Variants in HNRNPR observed in about 807,000 individuals in gnomAD.
The protein encoded by HNRNPR is heterogeneous nuclear ribonucleoprotein R.
HNRNPR carries 4 observed loss-of-function variants against 70.3 expected under a neutral mutation model. The ratio of observed to expected loss-of-function variants is 0.06; its 90% CI spans 0.03 to 0.13. HNRNPR has a LOEUF of 0.13. HNRNPR is among the 10% of genes least tolerant of loss of function. HNRNPR has a pLI of 1.00. For synonymous variants in HNRNPR, 241 were observed against 267.6 expected, an observed-to-expected ratio of 0.90 and a Z score of 0.97; for missense variants, 423 against 788.5, an observed-to-expected ratio of 0.54 and a Z score of 5.55.
chr1:23,342,151 A>G (rs1391873936), intron 1 of HNRNPR, among the ~76,000 whole-genome samples: 1 of 152,248 alleles, frequency 6.6e-6, no homozygotes, highest in Non-Finnish European at 1.5e-5. Flanking sequence ...TAAAGAAAAT[A>G]CAAGTCTCCT....
At chr1:23,313,469 T>C in intron 9 of HNRNPR, 84 bp downstream of exon 9, 1 of 896,380 alleles carries the variant, frequency 1.1e-6, no homozygotes, top group Non-Finnish European at 1.7e-6. Flanking sequence ...ACCAATATTG[T>C]TTCAGTTTTT....
chr1:23,332,643 T>C (rs1398669781), intron 5 of HNRNPR, among the ~76,000 whole-genome samples: 2 of 143,262 alleles, frequency 1.4e-5, no homozygotes, highest in Non-Finnish European at 3.0e-5. Context: ...GAGGTTGCAG[T>C]GAGCCGAGAT....
rs552887280 is a variant in HNRNPR at position 23,311,064 on chromosome 1, T to C, written c.1292A>G (p.Tyr431Cys). The C allele has an allele frequency of 3.1e-6, 5 of 1,613,568 alleles. No individual in the cohort carries two copies. Among genetic ancestry groups the C allele is most frequent in the African/African-American group, 2.7e-5 (2 of 74,996 alleles). The change falls in exon 11 of 11, where the codon TAT (tyrosine) becomes TGT (cysteine). Residue 431 changes from tyrosine to cysteine, a missense_variant and splice_region_variant. Around this residue, in one of 7 missense-constraint regions of HNRNPR, gnomAD observed 169 missense variants for 195.6 expected, o/e 0.86. Coordinates refer to ENST00000302271, the MANE Select transcript of HNRNPR (RefSeq NM_005826.5). ...AARQASRSTA[Y>C]EDYYYHPPPR... ...AGGAGGGTGGTAGTAATAATCTTCA[T>C]ACCTAGCAAAGTAGAGAAGGGAGAA...
At chr1:23,321,964 T>G (rs568636558) in intron 6 of HNRNPR, among the ~76,000 whole-genome samples, 1 of 152,264 alleles carries the variant, frequency 6.6e-6, no homozygotes, top group East Asian at 1.9e-4. Context: ...CACAGATTTT[T>G]CAGAAAAAAA....
rs1645192336 is a variant in HNRNPR at position 23,305,662 on chromosome 1, T to C, written c.*4792A>G. ...TATACCTTACCATCATGGAATCCCC[T>C]ACAAACTATAAGATGAGGGATTTTA... On this transcript the variant is annotated 3_prime_UTR_variant, in exon 11 of 11. Coordinates refer to ENST00000302271, the MANE Select transcript of HNRNPR (RefSeq NM_005826.5). 1 of 152,188 alleles carries C rather than the reference T, an allele frequency of 6.6e-6. No homozygotes were observed. Among genetic ancestry groups the C allele is most frequent in the Non-Finnish European group, 1.5e-5 (1 of 68,004 alleles). The allele number at this position is 152,188 out of a possible 1,614,324, so 9.4% of individuals were successfully genotyped here.
chr1:23,306,226 T>TCTG lies in HNRNPR; in HGVS notation c.*4225_*4227dup, dbSNP rs909861779. ...CATACTTGCAGGCCTTTCCTGCTGA[T>TCTG]CTGCTACCAATTTAAAAGTAAGTGA... On this transcript the variant is annotated 3_prime_UTR_variant, in exon 11 of 11. Coordinates refer to ENST00000302271, the MANE Select transcript of HNRNPR (RefSeq NM_005826.5). The TCTG allele has an allele frequency of 3.9e-5, 6 of 152,160 alleles. No homozygotes were observed. Among genetic ancestry groups the TCTG allele is most frequent in the Non-Finnish European group, 5.9e-5 (4 of 68,018 alleles). The allele number at this position is 152,160 out of a possible 1,614,324, so 9.4% of individuals were successfully genotyped here.
chr1:23,315,307 A>AC, intron 8 of HNRNPR, among the ~76,000 whole-genome samples: 1 of 135,446 alleles, frequency 7.4e-6, no homozygotes, highest in African/African-American at 3.7e-5. Context: ...AAAAAAAAAC[A>AC]AAAACCCAAA....
At chr1:23,336,110 C>A (rs1646468362) in intron 4 of HNRNPR, among the ~76,000 whole-genome samples, 1 of 17,356 alleles carries the variant, frequency 5.8e-5, no homozygotes, top group Non-Finnish European at 2.4e-4. Flanking sequence ...GAGCGAGACT[C>A]CGTCTCAAAA....
intron 8 of HNRNPR, among the ~76,000 whole-genome samples, chr1:23,314,398 C>CA (rs1321598733): frequency 1.3e-5 from 2 of 151,550 alleles, no homozygotes; most frequent in African/African-American, 4.8e-5. Context: ...TTCTATATGG[C>CA]AAAAAAATAC....
Position 23,318,808 on chromosome 1 carries a change from C to T in HNRNPR, c.812-120G>A. 1.2e-6 allele frequency: 1 copy of T among 817,384 alleles called. No homozygotes were observed. Among genetic ancestry groups the T allele is most frequent in the South Asian group, 1.7e-5 (1 of 57,704 alleles). The allele number at this position is 817,384 out of a possible 1,614,324, so 50.6% of individuals were successfully genotyped here. On this transcript the variant is annotated intron_variant, in intron 7 of 10. Coordinates refer to ENST00000302271, the MANE Select transcript of HNRNPR (RefSeq NM_005826.5). This position sits in a 1 kb window ranked among gnomAD's most constrained non-coding sequence, Gnocchi z 4.2. ...TAAGTGAAGCAGCCTCAACATGAGT[C>T]ACTAATTTTGTAGACAATTAGATCA...
Position 23,321,710 on chromosome 1 carries a change from G to A in HNRNPR, c.676-47C>T, listed in dbSNP as rs780808223. On this transcript the variant is annotated intron_variant, in intron 6 of 10. Transcript: ENST00000302271. ...AGACCCCAAAACCACCCCAAACTCA[G>A]GACAATTGATCTTAATCTAAAAAAT... 2.6e-6 allele frequency: 4 copies of A among 1,549,872 alleles called. No homozygotes were observed. The South Asian group carries it at 5.0e-5, about 19-fold the overall frequency.
chr1:23,331,357 T>C (rs184195484), intron 5 of HNRNPR, among the ~76,000 whole-genome samples: 4 of 146,046 alleles, frequency 2.7e-5, no homozygotes, highest in Non-Finnish European at 4.5e-5. Context: ...AGCCCATGAG[T>C]TGGAGACCAG....
chr1:23,327,094 G>A (rs1646018520), intron 5 of HNRNPR, among the ~76,000 whole-genome samples: 1 of 152,010 alleles, frequency 6.6e-6, no homozygotes, highest in Non-Finnish European at 1.5e-5. Context: ...GGTGACTGAG[G>A]AACTACTTCC....
At chr1:23,313,789 TCTC>T in intron 8 of HNRNPR, 87 bp from the exon 9 acceptor site, 1 of 1,405,874 alleles carries the variant, frequency 7.1e-7, no homozygotes, top group South Asian at 1.3e-5. Flanking sequence ...GCATAGCTTT[TCTC>T]CTCTAAAACA....
At chr1:23,324,853 T>C (rs1005265965) in intron 5 of HNRNPR, among the ~76,000 whole-genome samples, 1 of 151,824 alleles carries the variant, frequency 6.6e-6, no homozygotes, top group Non-Finnish European at 1.5e-5. Flanking sequence ...AAAAATGTTT[T>C]ATGTTGGCCG....
At chr1:23,332,558 G>C (rs1373473503) in intron 5 of HNRNPR, among the ~76,000 whole-genome samples, 1 of 151,628 alleles carries the variant, frequency 6.6e-6, no homozygotes. Context: ...AAATTAGCCA[G>C]GTGTGGTGGT....
intron 1 of HNRNPR, among the ~76,000 whole-genome samples, chr1:23,343,277 G>A (rs3753250): frequency 0.19 from 28,858 of 152,080 alleles, 3,072 homozygotes; most frequent in Admixed American, 0.34. Context: ...GACTTTTTCT[G>A]AACCTCTCTG....
At position 23,323,727 on chromosome 1, in the gene HNRNPR, A is replaced by G; in HGVS notation, c.504T>C (p.Phe168=). 1 of 1,613,624 alleles carries G rather than the reference A, an allele frequency of 6.2e-7. No individual in the cohort carries two copies. Among genetic ancestry groups the G allele is most frequent in the Non-Finnish European group, 8.5e-7 (1 of 1,179,560 alleles). ...ATAAATCCCTTGGTATTTTGCCTAC[A>G]AATACCTGAAATAAAACCCCCTTAT... is the stretch of plus-strand genomic sequence containing the variant. The part of the protein sequence containing the change: ...GVQPGIGTEV[F]VGKIPRDLYE... Residue 168 remains phenylalanine, a synonymous_variant, in exon 6 of 11, where the codon TTT becomes TTC. Coordinates refer to ENST00000302271, the MANE Select transcript of HNRNPR (RefSeq NM_005826.5).
intron 4 of HNRNPR, among the ~76,000 whole-genome samples, chr1:23,334,908 A>G (rs1333726667): frequency 6.6e-6 from 1 of 151,290 alleles, no homozygotes; most frequent in Non-Finnish European, 1.5e-5. Flanking sequence ...AGAAATTTAC[A>G]CTTCAGTTTT....
Sources: allele counts gnomAD v4.1 joint callset (sites outside exome capture counted in the v4.1 genomes callset), GRCh38; gene constraint gnomAD v4.1.1; regional missense constraint gnomAD v4.1.1; non-coding constraint Gnocchi (gnomAD v3.1); transcripts MANE v1.5; gene names NCBI Gene and HGNC (gene_info 2026-07-23, HGNC 2026-07-21).